The following TFDP1 variants were observed in gnomAD, a reference collection of about 807,000 sequenced individuals.
TFDP1 encodes DRTF1-polypeptide 1.
Under a neutral mutation model 48.0 loss-of-function variants are expected in TFDP1, and 6 were observed. That is an observed-to-expected ratio of 0.13 (90% CI 0.07 to 0.25). The LOEUF is 0.25. Ranked by LOEUF, TFDP1 falls within the 10% of genes least tolerant of loss-of-function variation. The pLI, the probability that TFDP1 is intolerant of heterozygous loss-of-function variation, is 1.00. For missense variants in TFDP1, 335 were observed against 543.0 expected, an observed-to-expected ratio of 0.62 and a Z score of 3.81; for synonymous variants, 201 against 211.6, an observed-to-expected ratio of 0.95 and a Z score of 0.44.
chr13:113,635,876 C>CT (rs1189888576), intron 8 of TFDP1, 101 bp from the exon 9 acceptor site: 60 of 1,374,862 alleles, frequency 4.4e-5, no homozygotes, highest in Non-Finnish European at 5.8e-5. Context: ...GCCAACTCCT[C>CT]GCTGTCACGT....
At chr13:113,620,461 C>CT (rs2048970632) in intron 3 of TFDP1, among the ~76,000 whole-genome samples, 1 of 152,246 alleles carries the variant, frequency 6.6e-6, no homozygotes, top group South Asian at 2.1e-4. Context: ...AAATTAGAGA[C>CT]TCGTTTGCAA....
chr13:113,634,827 A>G (rs991164318), intron 8 of TFDP1, among the ~76,000 whole-genome samples: 7 of 148,128 alleles, frequency 4.7e-5, no homozygotes, highest in African/African-American at 1.0e-4. Context: ...GCATGCATGC[A>G]TGTGTGTGTG....
chr13:113,591,932 A>G (rs372997755), intron 2 of TFDP1, among the ~76,000 whole-genome samples: 1 of 152,310 alleles, frequency 6.6e-6, no homozygotes, highest in East Asian at 1.9e-4. Context: ...CTTTGTGTGT[A>G]GCCCAAGCCT....
Position 113,634,615 on chromosome 13 carries a change from G to T in TFDP1, c.687+13G>T. On this transcript the variant is annotated intron_variant, in intron 8 of 11. Transcript: ENST00000375370. ...ACTTATTCTACAGGTAAGAGAATAC[G>T]TATCTGTGGAGGCAGGGTAATTTTT... The T allele has an allele frequency of 6.3e-7, 1 of 1,591,806 alleles. No homozygotes were observed. The highest frequency in any genetic ancestry group is 8.6e-7 in the Non-Finnish European group (1 of 1,166,112).
chr13:113,634,280 G>C, intron 7 of TFDP1: 1 of 647,396 alleles, frequency 1.5e-6, no homozygotes, highest in Non-Finnish European at 2.7e-6. Context: ...TAGTTTGTGG[G>C]ATTTTTGTTT....
intron 2 of TFDP1, among the ~76,000 whole-genome samples, chr13:113,594,949 C>A (rs1305482785): frequency 3.9e-5 from 6 of 152,154 alleles, no homozygotes; most frequent in African/African-American, 1.4e-4. Flanking sequence ...ATAGCATATG[C>A]CTGTTGGATT....
At chr13:113,585,288 GAGGCCTAGTGAC>G (rs1341047508) in intron 1 of TFDP1, 1 of 150,810 alleles carries the variant, frequency 6.6e-6, no homozygotes, top group Non-Finnish European at 1.5e-5. Flanking sequence ...GAGGCGGCCC[GAGGCCTAGTGAC>G]AGGCGCGCGG....
chr13:113,612,340 CCT>C (rs1266409370), intron 3 of TFDP1, among the ~76,000 whole-genome samples: 2 of 152,348 alleles, frequency 1.3e-5, no homozygotes, highest in Non-Finnish European at 2.9e-5. Context: ...GTCCCCGGGC[CCT>C]GTCAGAGGGA....
intron 1 of TFDP1, chr13:113,585,245 C>T (rs967896516): frequency 2.0e-5 from 3 of 149,850 alleles, no homozygotes; most frequent in African/African-American, 7.3e-5. Flanking sequence ...CGCGGGGACC[C>T]GGTTCCGGCG....
In TFDP1 at chr13:113,585,801, T is replaced by C. The variant is rs964499653; in HGVS notation, c.-37T>C. On this transcript the variant is annotated 5_prime_UTR_variant, in exon 2 of 12. Transcript: ENST00000375370. Reference sequence around the variant, plus strand: ...AAATCATTTTTCTTCTCTGGGAAGGTGAACATTTGTAGCATTGATTTCCCG... The same window carrying C: ...AAATCATTTTTCTTCTCTGGGAAGGCGAACATTTGTAGCATTGATTTCCCG... 2.7e-5 allele frequency: 42 copies of C among 1,556,592 alleles called. No individual in the cohort carries two copies. Among genetic ancestry groups the C allele is most frequent in the African/African-American group, 6.8e-5 (5 of 73,868 alleles).
intron 2 of TFDP1, among the ~76,000 whole-genome samples, chr13:113,587,475 G>A (rs1033501194): frequency 4.7e-5 from 7 of 150,432 alleles, no homozygotes; most frequent in Non-Finnish European, 1.5e-5. Flanking sequence ...TGATGTTTTC[G>A]CTAGCTCTTT....
chr13:113,631,560 G>A, intron 4 of TFDP1, 63 bp from the exon 5 acceptor site: 2 of 1,557,236 alleles, frequency 1.3e-6, no homozygotes, highest in Non-Finnish European at 1.7e-6. Flanking sequence ...AACAGATGGT[G>A]GGCATGGCAC....
chr13:113,611,750 G>C (rs1184308861), intron 3 of TFDP1, among the ~76,000 whole-genome samples: 6 of 152,204 alleles, frequency 3.9e-5, no homozygotes, highest in Non-Finnish European at 8.8e-5. Flanking sequence ...GCGATGCTTG[G>C]CCCCTCGTGA....
intron 2 of TFDP1, among the ~76,000 whole-genome samples, chr13:113,597,637 G>A (rs900657801): frequency 3.3e-5 from 5 of 152,228 alleles, no homozygotes; most frequent in African/African-American, 4.8e-5. Flanking sequence ...TGCTTGCCAC[G>A]TCCTGGCTGA....
chr13:113,599,169 G>A (rs1566640827), intron 2 of TFDP1, among the ~76,000 whole-genome samples: 1 of 146,992 alleles, frequency 6.8e-6, no homozygotes, highest in African/African-American at 2.5e-5. Context: ...TTTGTCCTAG[G>A]TTTTTTTTTT....
Position 113,633,056 on chromosome 13 carries a change from C to T in TFDP1, c.309-64C>T, listed in dbSNP as rs951147858. ...ATTAGAGCTCTCAGGTAAAAGCATTCCTCGATTCAGGCTGATCCTCAGGAG... is the reference window on the plus strand; with the variant it reads ...ATTAGAGCTCTCAGGTAAAAGCATTTCTCGATTCAGGCTGATCCTCAGGAG... On this transcript the variant is annotated intron_variant, in intron 5 of 11. Coordinates refer to ENST00000375370, the MANE Select transcript of TFDP1 (RefSeq NM_007111.5). The surrounding 1 kb of genome is among the most constrained non-coding windows in gnomAD (Gnocchi z 4.5). The T allele has an allele frequency of 1.3e-4, 209 of 1,597,668 alleles. 1 individual carries two copies. Among genetic ancestry groups the T allele is most frequent in the Non-Finnish European group, 1.0e-4 (123 of 1,171,928 alleles).
intron 3 of TFDP1, among the ~76,000 whole-genome samples, chr13:113,611,767 G>A (rs2048714354): frequency 6.6e-6 from 1 of 152,208 alleles, no homozygotes; most frequent in Non-Finnish European, 1.5e-5. Flanking sequence ...GTGAGAGGCT[G>A]TGCTGTGTGG....
chr13:113,614,875 C>T (rs1310138872), intron 3 of TFDP1, among the ~76,000 whole-genome samples: 1 of 152,182 alleles, frequency 6.6e-6, no homozygotes, highest in African/African-American at 2.4e-5. Context: ...GCAGGTGTTG[C>T]TCTGAAAGCC....
chr13:113,623,473 G>A lies in TFDP1; in HGVS notation c.186+187G>A, dbSNP rs1566664410. Reference sequence around the variant, plus strand: ...CATAGCCCTCTGCAGCTGCCCACGTGTTGTTGTGGGAGAGGTGATGGCGCC... The same window carrying A: ...CATAGCCCTCTGCAGCTGCCCACGTATTGTTGTGGGAGAGGTGATGGCGCC... On this transcript the variant is annotated intron_variant, in intron 4 of 11. Transcript: ENST00000375370. The surrounding 1 kb of genome is among the most constrained non-coding windows in gnomAD (Gnocchi z 5.2). Among the ~76,000 whole-genome samples, 2 of 152,262 alleles carry A rather than the reference G, an allele frequency of 1.3e-5. No homozygotes were observed. Among genetic ancestry groups the A allele is most frequent in the East Asian group, 3.9e-4 (2 of 5,164 alleles).
Sources: allele counts gnomAD v4.1 joint callset (sites outside exome capture counted in the v4.1 genomes callset), GRCh38; gene constraint gnomAD v4.1.1; non-coding constraint Gnocchi (gnomAD v3.1); transcripts MANE v1.5; gene names NCBI Gene and HGNC (gene_info 2026-07-23, HGNC 2026-07-21).